The following MEI4 variants were observed in gnomAD, a reference collection of about 807,000 sequenced individuals.
MEI4 encodes the protein meiotic double-stranded break formation protein 4, also known as meiosis-specific protein MEI4.
A neutral mutation model predicts 31.4 loss-of-function variants in MEI4; 27 were observed. That is an observed-to-expected ratio of 0.86 (90% CI 0.63 to 1.19). The LOEUF is 1.19. MEI4 is among the 50% of genes most tolerant of loss of function. The pLI is 0.00. For synonymous variants in MEI4, 122 were observed against 145.4 expected, an observed-to-expected ratio of 0.84 and a Z score of 1.16; for missense variants, 329 against 398.9, an observed-to-expected ratio of 0.82 and a Z score of 1.49.
chr6:77,773,368 GAAAT>G (rs1768363431), intron 3 of MEI4, among the ~76,000 whole-genome samples: 1 of 151,882 alleles, frequency 6.6e-6, no homozygotes, highest in East Asian at 1.9e-4. Context: ...AGAGAACCCA[GAAAT>G]AAATCTACCC....
intron 3 of MEI4, among the ~76,000 whole-genome samples, chr6:77,776,869 T>C (rs1768456285): frequency 6.6e-6 from 1 of 152,200 alleles, no homozygotes; most frequent in South Asian, 2.1e-4. Context: ...TTGATTGTTT[T>C]AGATTTTAAA....
chr6:77,660,679 T>C (rs1487507566), intron 1 of MEI4, among the ~76,000 whole-genome samples: 1 of 152,116 alleles, frequency 6.6e-6, no homozygotes, highest in Non-Finnish European at 1.5e-5. Flanking sequence ...ATTACTGTTC[T>C]TCAGAAATAC....
intron 3 of MEI4, among the ~76,000 whole-genome samples, chr6:77,769,628 G>A (rs934889842): frequency 6.6e-6 from 1 of 151,944 alleles, no homozygotes; most frequent in Non-Finnish European, 1.5e-5. Flanking sequence ...AGGGGAAGAG[G>A]ACTTTGTTTT....
intron 2 of MEI4, among the ~76,000 whole-genome samples, chr6:77,739,116 T>C (rs567942822): frequency 3.3e-5 from 5 of 152,220 alleles, no homozygotes; most frequent in Non-Finnish European, 7.4e-5. Flanking sequence ...TGGCTTTTGT[T>C]GCAATAGCTT....
chr6:77,734,031 G>A (rs1019708875), intron 2 of MEI4, among the ~76,000 whole-genome samples: 3 of 151,980 alleles, frequency 2.0e-5, no homozygotes, highest in African/African-American at 7.3e-5. Flanking sequence ...ACTTGCTGAG[G>A]AGAGCTTTAC....
At chr6:77,697,095 G>C (rs1469205918) in intron 2 of MEI4, among the ~76,000 whole-genome samples, 1 of 152,190 alleles carries the variant, frequency 6.6e-6, no homozygotes, top group Non-Finnish European at 1.5e-5. Context: ...TTGTATTTCT[G>C]TGTGATCGGT....
intron 3 of MEI4, among the ~76,000 whole-genome samples, chr6:77,788,760 A>T (rs1437295165): frequency 6.6e-6 from 1 of 152,206 alleles, no homozygotes; most frequent in African/African-American, 2.4e-5. Flanking sequence ...AAGAGGATAC[A>T]AAGAAATGGA....
At chr6:77,889,642 C>A (rs1406309475) in intron 4 of MEI4, among the ~76,000 whole-genome samples, 1 of 152,192 alleles carries the variant, frequency 6.6e-6, no homozygotes, top group Non-Finnish European at 1.5e-5. Flanking sequence ...TAGCAAGGAG[C>A]CAGATGCTAA....
At chr6:77,680,205 G>C (rs979219038) in intron 1 of MEI4, among the ~76,000 whole-genome samples, 1 of 150,748 alleles carries the variant, frequency 6.6e-6, no homozygotes, top group Non-Finnish European at 1.5e-5. Context: ...CGTGAACCTG[G>C]GAGGCGGAGC....
At chr6:77,912,975 A>G (rs1296183765) in intron 4 of MEI4, among the ~76,000 whole-genome samples, 1 of 152,058 alleles carries the variant, frequency 6.6e-6, no homozygotes, top group Non-Finnish European at 1.5e-5. Context: ...ATTATGTTGA[A>G]GTATGTTCCT....
chr6:77,676,900 G>A (rs1768855066), intron 1 of MEI4, among the ~76,000 whole-genome samples: 1 of 152,156 alleles, frequency 6.6e-6, no homozygotes, highest in Non-Finnish European at 1.5e-5. Context: ...TGGGCCTCAA[G>A]TGTGGTATGC....
chr6:77,838,627 C>T (rs987427741), intron 4 of MEI4, among the ~76,000 whole-genome samples: 7 of 152,052 alleles, frequency 4.6e-5, no homozygotes, highest in Non-Finnish European at 7.4e-5. Context: ...CCTGGCTGGG[C>T]GCGGTGGCTC....
chr6:77,743,448 T>G (rs966989874), intron 2 of MEI4, among the ~76,000 whole-genome samples: 1 of 152,176 alleles, frequency 6.6e-6, no homozygotes, highest in Non-Finnish European at 1.5e-5. Context: ...ATAAGAATGC[T>G]TGTGATTTTT....
chr6:77,669,078 T>C (rs1006520357), intron 1 of MEI4, among the ~76,000 whole-genome samples: 1 of 152,222 alleles, frequency 6.6e-6, no homozygotes, highest in Non-Finnish European at 1.5e-5. Context: ...TATTTATCCT[T>C]CATTTTCTGT....
At chr6:77,840,866 A>C (rs775436177) in intron 4 of MEI4, among the ~76,000 whole-genome samples, 1 of 152,238 alleles carries the variant, frequency 6.6e-6, no homozygotes, top group Non-Finnish European at 1.5e-5. Flanking sequence ...TTTTGGAACA[A>C]CATCAAGTTG....
intron 2 of MEI4, among the ~76,000 whole-genome samples, chr6:77,694,948 C>T (rs9448157): frequency 0.15 from 22,517 of 149,342 alleles, 1,566 homozygotes; most frequent in Middle Eastern, 0.21. Flanking sequence ...TTTTAATGAT[C>T]GCCATTCTAA....
At chr6:77,871,058 T>A (rs1771178685) in intron 4 of MEI4, among the ~76,000 whole-genome samples, 1 of 152,204 alleles carries the variant, frequency 6.6e-6, no homozygotes, top group South Asian at 2.1e-4. Context: ...CACCATGAAT[T>A]GGATTCCTTA....
intron 1 of MEI4, among the ~76,000 whole-genome samples, chr6:77,679,826 C>T (rs1164443694): frequency 2.7e-5 from 4 of 150,884 alleles, no homozygotes; most frequent in Admixed American, 1.3e-4. Flanking sequence ...CTGCAACCTC[C>T]GCCTCCTGGG....
chr6:77,737,235 G>T (rs1420087751), intron 2 of MEI4, among the ~76,000 whole-genome samples: 1 of 152,216 alleles, frequency 6.6e-6, no homozygotes, highest in Non-Finnish European at 1.5e-5. Flanking sequence ...TAGGTTATCT[G>T]ATGGATAAGG....
Sources: gnomAD v4.1 joint callset for allele counts (sites outside exome capture counted in the v4.1 genomes callset) on GRCh38, gnomAD v4.1.1 for gene constraint, MANE v1.5 for transcripts, NCBI Gene and HGNC (gene_info 2026-07-23, HGNC 2026-07-21) for gene names.